Variants in MGAT5 observed in about 807,000 individuals in gnomAD.
MGAT5 encodes the protein alpha-1,6-mannosylglycoprotein 6-beta-N-acetylglucosaminyltransferase.
Under a neutral mutation model 94.3 loss-of-function variants are expected in MGAT5, and 30 were observed. That is an observed-to-expected ratio of 0.32 (90% CI 0.24 to 0.43). The LOEUF is 0.43. Among genes scored for constraint, MGAT5 ranks in the 20% least tolerant of loss-of-function variants. MGAT5 has a pLI of 1.00. For synonymous variants in MGAT5, 310 were observed against 322.9 expected (o/e 0.96, Z 0.43); for missense variants, 691 against 905.5 (o/e 0.76, Z 3.04).
intron 1 of MGAT5, among the ~76,000 whole-genome samples, chr2:134,165,034 T>A (rs1687908746): frequency 6.6e-6 from 1 of 152,200 alleles, no homozygotes; most frequent in African/African-American, 2.4e-5. Flanking sequence ...CAGGGCTGTG[T>A]GGTAGAACTT....
Position 134,359,830 on chromosome 2 carries a change from G to A in MGAT5, c.1247-2445G>A, listed in dbSNP as rs532720610. 7.9e-5 allele frequency among the ~76,000 whole-genome samples: 12 copies of A among 152,294 alleles called. No individual in the cohort carries two copies. In the East Asian group the frequency reaches 1.7e-3, roughly 22 times the overall value. On this transcript the variant is annotated intron_variant, in intron 9 of 15. Transcript: ENST00000281923. ...AGAACACTTGTGATAAGACCAGGGC[G>A]CTCTCGGCAGATGTTACCGGGTGGG...
chr2:134,264,898 G>A (rs1683605950), intron 1 of MGAT5, among the ~76,000 whole-genome samples: 1 of 152,216 alleles, frequency 6.6e-6, no homozygotes. Flanking sequence ...AGCAGGCACA[G>A]ATGTAAATAA....
intron 1 of MGAT5, among the ~76,000 whole-genome samples, chr2:134,199,900 A>C (rs1679692312): frequency 6.6e-6 from 1 of 152,096 alleles, no homozygotes; most frequent in Non-Finnish European, 1.5e-5. Context: ...GGTTGTGCAA[A>C]TGGCAAGAAT....
chr2:134,129,432 C>T lies in MGAT5; in HGVS notation c.-143+9141C>T, dbSNP rs115588599. Among the ~76,000 whole-genome samples the T allele has an allele frequency of 8.0e-3, 1,220 of 152,248 alleles. 9 individuals are homozygous for T. The highest frequency in any genetic ancestry group is 0.022 in the African/African-American group (917 of 41,534). The stretch of plus-strand genomic sequence containing the variant: ...TGTAAGGCAACATAAGCACAGGTTC[C>T]GGGGATTAGTATATGATGAACATCT... On this transcript the variant is annotated intron_variant, in intron 1 of 16. Coordinates refer to the MGAT5 transcript ENST00000409645.
chr2:134,343,205 G>C (rs1688732987), intron 7 of MGAT5, among the ~76,000 whole-genome samples: 1 of 152,152 alleles, frequency 6.6e-6, no homozygotes, highest in Non-Finnish European at 1.5e-5. Context: ...TGAATTTGAT[G>C]GTCAAGGGAA....
chr2:134,339,048 C>T (rs1688488857), intron 6 of MGAT5, among the ~76,000 whole-genome samples: 1 of 152,096 alleles, frequency 6.6e-6, no homozygotes, highest in Non-Finnish European at 1.5e-5. Flanking sequence ...GTAATTTGCT[C>T]CCACATCTAA....
chr2:134,174,536 C>A (rs900480297), intron 1 of MGAT5, among the ~76,000 whole-genome samples: 2 of 152,192 alleles, frequency 1.3e-5, no homozygotes, highest in Non-Finnish European at 2.9e-5. Flanking sequence ...TTATTTTTAC[C>A]TGGGTAGCAC....
At chr2:134,145,762 C>CTAA (rs57050066) in intron 1 of MGAT5, among the ~76,000 whole-genome samples, 9,884 of 152,192 alleles carry the variant, frequency 0.065, 756 homozygotes, top group African/African-American at 0.18. Context: ...TGAAGAGGTG[C>CTAA]TAATCTATCT....
At chr2:134,198,606 A>G (rs1349674275) in intron 1 of MGAT5, among the ~76,000 whole-genome samples, 2 of 152,196 alleles carry the variant, frequency 1.3e-5, no homozygotes, top group Admixed American at 6.5e-5. Flanking sequence ...TCCTTATGGC[A>G]GCTGCCCCCA....
At chr2:134,399,745 C>T (rs1481179107) in intron 10 of MGAT5, among the ~76,000 whole-genome samples, 2 of 152,080 alleles carry the variant, frequency 1.3e-5, no homozygotes, top group Non-Finnish European at 2.9e-5. Flanking sequence ...GAAGTGATCT[C>T]GATCCAGTTC....
At chr2:134,207,284 G>A (rs771825753) in intron 1 of MGAT5, among the ~76,000 whole-genome samples, 1 of 152,140 alleles carries the variant, frequency 6.6e-6, no homozygotes, top group Non-Finnish European at 1.5e-5. Context: ...AACTCCATCT[G>A]CATCCTTAAT....
intron 2 of MGAT5, among the ~76,000 whole-genome samples, chr2:134,280,752 G>C (rs1057054221): frequency 1.3e-5 from 2 of 152,224 alleles, no homozygotes; most frequent in African/African-American, 2.4e-5. Flanking sequence ...ATAAGAGCCT[G>C]TACCATGGTA....
rs1416016467 is a variant in MGAT5 at position 134,270,378 on chromosome 2, T to C, written c.242-8T>C. The C allele has an allele frequency of 6.2e-7, 1 of 1,613,276 alleles. No individual in the cohort carries two copies. The highest frequency in any genetic ancestry group is 8.5e-7 in the Non-Finnish European group (1 of 1,179,426). On this transcript the variant is annotated splice_polypyrimidine_tract_variant and splice_region_variant and intron_variant, in intron 1 of 15. Coordinates refer to ENST00000281923, the MANE Select transcript of MGAT5 (RefSeq NM_002410.5). ...GAATTTTAAAATTGTCTGCACTTTC[T>C]TTTACAGATCTGAAGAAAACCCTTG... is the stretch of plus-strand genomic sequence containing the variant.
At chr2:134,240,484 G>T (rs1167501108) in intron 1 of MGAT5, among the ~76,000 whole-genome samples, 1 of 152,084 alleles carries the variant, frequency 6.6e-6, no homozygotes, top group African/African-American at 2.4e-5. Flanking sequence ...GCTTGGATAT[G>T]GTGGTTAGTT....
chr2:134,357,466 A>G (rs965837783), intron 9 of MGAT5, among the ~76,000 whole-genome samples: 1 of 152,238 alleles, frequency 6.6e-6, no homozygotes, highest in Admixed American at 6.5e-5. Flanking sequence ...AACCAAGTCA[A>G]TTCCCATTCA....
At chr2:134,164,628 C>T (rs1687881772) in intron 1 of MGAT5, among the ~76,000 whole-genome samples, 1 of 152,068 alleles carries the variant, frequency 6.6e-6, no homozygotes, top group Admixed American at 6.5e-5. Context: ...TGCTTTCTGT[C>T]CTATGAGGTC....
intron 1 of MGAT5, among the ~76,000 whole-genome samples, chr2:134,213,941 T>C (rs940495797): frequency 1.3e-5 from 2 of 152,120 alleles, no homozygotes; most frequent in African/African-American, 4.8e-5. Flanking sequence ...ATGTCCACCC[T>C]TTCTTCCCTC....
intron 8 of MGAT5, among the ~76,000 whole-genome samples, chr2:134,349,439 G>A (rs1019453439): frequency 2.6e-5 from 4 of 152,188 alleles, no homozygotes; most frequent in African/African-American, 9.7e-5. Context: ...TTTGGCATCA[G>A]TTGATTAGAC....
intron 1 of MGAT5, among the ~76,000 whole-genome samples, chr2:134,153,041 C>G (rs1340694324): frequency 1.3e-5 from 2 of 151,858 alleles, no homozygotes; most frequent in African/African-American, 4.8e-5. Context: ...GTAGCTGGGA[C>G]TATAGGCATG....
Sources: gnomAD v4.1 joint callset for allele counts (sites outside exome capture counted in the v4.1 genomes callset) on GRCh38, gnomAD v4.1.1 for gene constraint, MANE v1.5 for transcripts, NCBI Gene and HGNC (gene_info 2026-07-23, HGNC 2026-07-21) for gene names.